Variants in NLGN1 observed in about 807,000 individuals in gnomAD.
NLGN1 encodes neuroligin 1, also known as neuroligin-1.
NLGN1 carries 12 observed loss-of-function variants against 65.5 expected under a neutral mutation model. The observed-to-expected ratio is 0.18, with a 90% confidence interval of 0.12 to 0.30. The LOEUF is 0.30. NLGN1 is among the 10% of genes least tolerant of loss of function. The pLI is 1.00. For missense variants in NLGN1, 750 were observed against 1,007.1 expected, an observed-to-expected ratio of 0.74 and a Z score of 3.46; for synonymous variants, 350 against 359.5, an observed-to-expected ratio of 0.97 and a Z score of 0.30.
intron 4 of NLGN1, among the ~76,000 whole-genome samples, chr3:173,980,621 G>C (rs769653407): frequency 6.6e-6 from 1 of 151,924 alleles, no homozygotes; most frequent in African/African-American, 2.4e-5. Flanking sequence ...AAAATATAAA[G>C]ACACACATGA....
intron 4 of NLGN1, among the ~76,000 whole-genome samples, chr3:174,066,709 A>C (rs1189269869): frequency 6.6e-6 from 1 of 151,656 alleles, no homozygotes; most frequent in African/African-American, 2.4e-5. Flanking sequence ...TCTTGTTAAC[A>C]CTCTTTTTAA....
chr3:173,910,640 G>T lies in NLGN1; in HGVS notation c.646+102808G>T, dbSNP rs927454633. On this transcript the variant is annotated intron_variant, in intron 4 of 6. Transcript: ENST00000457714. The stretch of plus-strand genomic sequence containing the variant: ...AACTATATTCTACTAAAGTTCTTAC[G>T]ATTCTAAAATCACTAAATTTTAATA... 2.6e-5 allele frequency: 4 copies of T among 152,030 alleles called. No homozygotes were observed. The South Asian group carries it at 8.3e-4, about 32-fold the overall frequency. The allele number at this position is 152,030 out of a possible 1,614,324, so 9.4% of individuals were successfully genotyped here. A position where few individuals can be genotyped will look rare whatever the true frequency, so the allele number is the denominator to read the frequency against.
At chr3:173,409,698 A>G (rs1239882848) in intron 1 of NLGN1, among the ~76,000 whole-genome samples, 5 of 152,210 alleles carry the variant, frequency 3.3e-5, no homozygotes, top group African/African-American at 1.2e-4. Context: ...AAATGTTGCA[A>G]AAGCCTTCTA....
chr3:173,553,811 G>A (rs1741274933), intron 2 of NLGN1, among the ~76,000 whole-genome samples: 1 of 152,032 alleles, frequency 6.6e-6, no homozygotes, highest in East Asian at 1.9e-4. Flanking sequence ...CTAACAGAAG[G>A]GCTCTTAGCT....
intron 4 of NLGN1, among the ~76,000 whole-genome samples, chr3:174,168,388 T>G (rs1727922580): frequency 1.3e-5 from 2 of 152,196 alleles, no homozygotes; most frequent in African/African-American, 4.8e-5. Flanking sequence ...ATTTTCTTCT[T>G]CTTCTATAAT....
intron 4 of NLGN1, among the ~76,000 whole-genome samples, chr3:174,138,890 T>A (rs1721755695): frequency 6.6e-6 from 1 of 152,128 alleles, no homozygotes; most frequent in Non-Finnish European, 1.5e-5. Flanking sequence ...GTGCTGAAGG[T>A]AAAAAAATTA....
chr3:174,156,572 A>G (rs1725475192), intron 4 of NLGN1, among the ~76,000 whole-genome samples: 1 of 151,832 alleles, frequency 6.6e-6, no homozygotes, highest in Non-Finnish European at 1.5e-5. Flanking sequence ...GTAAGATTCC[A>G]TATTTAGTGT....
At chr3:173,934,010 G>A (rs1324808666) in intron 4 of NLGN1, among the ~76,000 whole-genome samples, 1 of 151,652 alleles carries the variant, frequency 6.6e-6, no homozygotes, top group Non-Finnish European at 1.5e-5. Context: ...ACACCTAAAT[G>A]ATACACAGTG....
At chr3:173,530,884 G>A (rs963013706) in intron 2 of NLGN1, among the ~76,000 whole-genome samples, 6 of 151,654 alleles carry the variant, frequency 4.0e-5, no homozygotes, top group Non-Finnish European at 5.9e-5. Flanking sequence ...TTTACTGTTC[G>A]ATGCTCATTT....
intron 1 of NLGN1, among the ~76,000 whole-genome samples, chr3:173,418,434 AG>A (rs1443619699): frequency 6.6e-6 from 1 of 152,140 alleles, no homozygotes; most frequent in African/African-American, 2.4e-5. Flanking sequence ...TATATTCCTA[AG>A]GTGCCTTCCA....
At chr3:174,294,141 T>C in the NLGN1 span, among the ~76,000 whole-genome samples, 2 of 151,770 alleles carry the variant, frequency 1.3e-5, no homozygotes, top group East Asian at 1.9e-4. Flanking sequence ...CAAAAATCAG[T>C]GTATCAATTT....
chr3:173,548,556 T>A (rs1740302413), intron 2 of NLGN1, among the ~76,000 whole-genome samples: 1 of 151,762 alleles, frequency 6.6e-6, no homozygotes, highest in African/African-American at 2.4e-5. Context: ...CCTGTAGAGC[T>A]AATTGGCATC....
At chr3:173,753,879 T>C (rs1339396453) in intron 3 of NLGN1, among the ~76,000 whole-genome samples, 1 of 150,560 alleles carries the variant, frequency 6.6e-6, no homozygotes, top group African/African-American at 2.4e-5. Context: ...ACCCTCAGAA[T>C]CTTTAATTGC....
chr3:173,990,908 T>G (rs1442092781), intron 4 of NLGN1, among the ~76,000 whole-genome samples: 1 of 152,200 alleles, frequency 6.6e-6, no homozygotes, highest in African/African-American at 2.4e-5. Context: ...TAATAAACTT[T>G]ATTTTTATAG....
chr3:173,762,270 G>A (rs1347850623), intron 3 of NLGN1, among the ~76,000 whole-genome samples: 2 of 152,002 alleles, frequency 1.3e-5, no homozygotes, highest in Non-Finnish European at 1.5e-5. Flanking sequence ...AGTGTGACTT[G>A]CCTTCTCCAA....
At chr3:173,447,198 G>A (rs894119547) in intron 2 of NLGN1, among the ~76,000 whole-genome samples, 5 of 152,182 alleles carry the variant, frequency 3.3e-5, no homozygotes, top group African/African-American at 9.7e-5. Flanking sequence ...ATGGTTTTAG[G>A]TCTAACATTT....
At chr3:174,260,044 A>G (rs1259043086) in intron 4 of NLGN1, among the ~76,000 whole-genome samples, 2 of 152,034 alleles carry the variant, frequency 1.3e-5, no homozygotes, top group African/African-American at 4.8e-5. Context: ...ATAGTATTCC[A>G]TGGTGTATAT....
chr3:173,943,988 AAT>A (rs1378976746), intron 4 of NLGN1, among the ~76,000 whole-genome samples: 1 of 152,210 alleles, frequency 6.6e-6, no homozygotes, highest in African/African-American at 2.4e-5. Context: ...AAATGCAGAT[AAT>A]GAGTGACTAT....
At chr3:173,570,421 T>C (rs1450126713) in intron 2 of NLGN1, among the ~76,000 whole-genome samples, 1 of 152,186 alleles carries the variant, frequency 6.6e-6, no homozygotes, top group Non-Finnish European at 1.5e-5. Context: ...CTGAAGCTAT[T>C]CACAACCATG....
Sources: gnomAD v4.1 joint callset for allele counts (sites outside exome capture counted in the v4.1 genomes callset) on GRCh38, gnomAD v4.1.1 for gene constraint, MANE v1.5 for transcripts, NCBI Gene and HGNC (gene_info 2026-07-23, HGNC 2026-07-21) for gene names.